Variants in SKP2 observed in about 807,000 individuals in gnomAD.
The protein encoded by SKP2 is S-phase kinase associated protein 2.
In SKP2, 16 loss-of-function variants were observed where a neutral mutation model predicts 51.8. The observed-to-expected ratio is 0.31, with a 90% CI of 0.21 to 0.47. The LOEUF (loss-of-function observed/expected upper bound fraction) is 0.47. Among genes scored for constraint, SKP2 ranks in the 20% least tolerant of loss-of-function variants. The probability of loss-of-function intolerance (pLI) is 1.00; values close to 1 mark genes in which losing one functional copy is unlikely to be tolerated. For synonymous variants in SKP2, 176 were observed against 198.6 expected (o/e 0.89, Z 0.96); for missense variants, 377 against 505.3 (o/e 0.75, Z 2.43).
intron 2 of SKP2, 52 bp from the exon 3 acceptor site, chr5:36,163,593 A>T: frequency 9.0e-7 from 1 of 1,105,448 alleles, no homozygotes; most frequent in Non-Finnish European, 1.4e-6. Context: ...GACTCAGTAG[A>T]CTTGATAGGG....
In SKP2 at chr5:36,171,469, G is replaced by A. The variant is rs562759810; in HGVS notation, c.771-134G>A. 3.9e-4 allele frequency: 329 copies of A among 842,356 alleles called. 1 individual carries two copies. Among genetic ancestry groups the A allele is most frequent in the South Asian group, 2.7e-3 (159 of 59,558 alleles). 52.2% of individuals were successfully genotyped at this position (842,356 alleles called of 1,614,324 possible). ...ACTTAGGTGACTAAAGGTAGCTACTGTTAGAGAAGCAGGTGTTCTGTGCAT... is the reference window on the plus strand; with the variant it reads ...ACTTAGGTGACTAAAGGTAGCTACTATTAGAGAAGCAGGTGTTCTGTGCAT... On this transcript the variant is annotated intron_variant, in intron 6 of 9. Coordinates refer to ENST00000274255, the MANE Select transcript of SKP2 (RefSeq NM_005983.4).
At chr5:36,177,822 G>A (rs541956141) in intron 9 of SKP2, among the ~76,000 whole-genome samples, 1 of 152,186 alleles carries the variant, frequency 6.6e-6, no homozygotes, top group Admixed American at 6.6e-5. Flanking sequence ...GGCATGTTAA[G>A]GTCTAAAAAG....
At chr5:36,179,604 A>G (rs894526369) in intron 9 of SKP2, among the ~76,000 whole-genome samples, 1 of 152,172 alleles carries the variant, frequency 6.6e-6, no homozygotes, top group African/African-American at 2.4e-5. Flanking sequence ...GATAAGACTA[A>G]AAGACTTCTG....
chr5:36,163,844 C>A, intron 3 of SKP2, 88 bp downstream of exon 3: 1 of 876,430 alleles, frequency 1.1e-6, no homozygotes, highest in Admixed American at 2.1e-5. Context: ...AAACTAAAAA[C>A]CAAGAAAAAT....
chr5:36,152,917 C>T lies in SKP2; in HGVS notation c.155C>T (p.Pro52Leu). 1 of 1,614,074 alleles carries T rather than the reference C, an allele frequency of 6.2e-7. No homozygotes were observed. Among genetic ancestry groups the T allele is most frequent in the Non-Finnish European group, 8.5e-7 (1 of 1,180,020 alleles). Residue 52 changes from proline (P) to leucine (L), a missense_variant, in exon 2 of 10, where the codon CCC (proline) becomes CTC (leucine). Coordinates refer to ENST00000274255, the MANE Select transcript of SKP2 (RefSeq NM_005983.4). The stretch of plus-strand genomic sequence containing the variant: ...GAGGAGCCCGACAGTGAGAACATCC[C>T]CCAGGAACTGCTCTCAAACCTGGGC... ...EKEEPDSENI[P>L]QELLSNLGHP... is the part of the protein sequence containing the mutation.
At chr5:36,188,524 A>G (rs1356117768), downstream of SKP2, among the ~76,000 whole-genome samples, 1 of 152,182 alleles carries the variant, frequency 6.6e-6, no homozygotes, top group Non-Finnish European at 1.5e-5. Context: ...TCTGGGTTGA[A>G]AATTCTTTTC....
At chr5:36,176,233 A>G (rs1745628250) in intron 7 of SKP2, among the ~76,000 whole-genome samples, 2 of 151,878 alleles carry the variant, frequency 1.3e-5, no homozygotes, top group South Asian at 4.1e-4. Flanking sequence ...TTTTTGATTT[A>G]TCTTTTTTCT....
At chr5:36,177,423 C>T (rs1473987417) in intron 9 of SKP2, 131 bp downstream of exon 9, 1 of 737,174 alleles carries the variant, frequency 1.4e-6, no homozygotes. Context: ...CACAGACTGG[C>T]TATGAAAGAC....
At chr5:36,168,559 ATCTAGTGCAGTGC>A (rs1745368826) in intron 5 of SKP2, 112 bp downstream of exon 5, 1 of 1,020,654 alleles carries the variant, frequency 9.8e-7, no homozygotes, top group East Asian at 2.4e-5. Flanking sequence ...TACAGAAAAT[ATCTAGTGCAGTGC>A]TCTAGCTTCT....
intron 2 of SKP2, among the ~76,000 whole-genome samples, chr5:36,161,044 C>T (rs1745105475): frequency 6.6e-6 from 1 of 152,076 alleles, no homozygotes; most frequent in Non-Finnish European, 1.5e-5. Flanking sequence ...CTTCCCTAAC[C>T]CCTGCGCCAT....
At chr5:36,189,093 T>C (rs998598980), downstream of SKP2, among the ~76,000 whole-genome samples, 1 of 152,210 alleles carries the variant, frequency 6.6e-6, no homozygotes, top group African/African-American at 2.4e-5. Flanking sequence ...TTTAAGGACT[T>C]CTCTACACTG....
chr5:36,188,368 C>T (rs983947093), downstream of SKP2, among the ~76,000 whole-genome samples: 3 of 152,142 alleles, frequency 2.0e-5, no homozygotes, highest in East Asian at 1.9e-4. Context: ...TGGCTGGTAC[C>T]GGTTGTTCCT....
intron 6 of SKP2, among the ~76,000 whole-genome samples, chr5:36,190,458 C>CT (rs1554006173): frequency 4.0e-5 from 6 of 151,216 alleles, no homozygotes; most frequent in Non-Finnish European, 8.9e-5. Flanking sequence ...CAATAAAAGT[C>CT]AGCAGCATTT....
At chr5:36,192,246 G>GA (rs1388353996) in intron 6 of SKP2, among the ~76,000 whole-genome samples, 1 of 152,068 alleles carries the variant, frequency 6.6e-6, no homozygotes, top group Admixed American at 6.6e-5. Context: ...AAATGCCTTT[G>GA]AAAAAATAAA....
intron 2 of SKP2, among the ~76,000 whole-genome samples, chr5:36,153,532 A>G (rs1038443246): frequency 6.6e-6 from 1 of 152,020 alleles, no homozygotes; most frequent in Non-Finnish European, 1.5e-5. Context: ...TTCTCCTGGT[A>G]TGTTCTGTCT....
rs550883824 is a variant in SKP2, at chr5:36,156,306, C to T, written c.280+3264C>T. ...TTGTCATTCCAAGGAGTTTTGTCTG[C>T]AGTTGTCAGGACAGGTGGCTACTAG... is the stretch of plus-strand genomic sequence containing the variant. On this transcript the variant is annotated intron_variant, in intron 2 of 9. Transcript: ENST00000274255. 2.0e-5 allele frequency among the ~76,000 whole-genome samples: 3 copies of T among 152,232 alleles called. No individual in the cohort carries two copies. In the East Asian group the frequency reaches 5.8e-4, roughly 29 times the overall value.
At position 36,170,265 on chromosome 5, in the gene SKP2, T is replaced by G. The variant is rs1745423695; in HGVS notation, c.672-79T>G. On this transcript the variant is annotated intron_variant, in intron 5 of 9. Transcript: ENST00000274255. ...CAAAGACCTGTGAGCTTAACTACACTCGCCTGCTTTCATCTAAATGTTGTT... is the reference window on the plus strand; with the variant it reads ...CAAAGACCTGTGAGCTTAACTACACGCGCCTGCTTTCATCTAAATGTTGTT... 8.9e-6 allele frequency: 7 copies of G among 783,378 alleles called. No homozygotes were observed. In the South Asian group the frequency reaches 1.2e-4, roughly 13 times the overall value. The allele number at this position is 783,378 out of a possible 1,614,324, so 48.5% of individuals were successfully genotyped here. A position where few individuals can be genotyped will look rare whatever the true frequency, so the allele number is the denominator to read the frequency against.
At chr5:36,192,949 T>C (rs1244692784) in intron 7 of SKP2, 7 of 152,208 alleles carry the variant, frequency 4.6e-5, no homozygotes, top group African/African-American at 7.2e-5. Context: ...CAAACACATT[T>C]TTGCTATGCT....
chr5:36,176,898 T>A (rs1317362635), intron 7 of SKP2, 67 bp from the exon 8 acceptor site: 3 of 1,000,128 alleles, frequency 3.0e-6, no homozygotes, highest in Non-Finnish European at 3.1e-6. Flanking sequence ...ATGATAGTAG[T>A]GATAACAAAT....
Sources: allele counts gnomAD v4.1 joint callset (sites outside exome capture counted in the v4.1 genomes callset), GRCh38; gene constraint gnomAD v4.1.1; transcripts MANE v1.5; gene names NCBI Gene and HGNC (gene_info 2026-07-23, HGNC 2026-07-21).